FHIT: variants seen among roughly 807,000 people sequenced by gnomAD.
The protein encoded by FHIT is fragile histidine triad diadenosine triphosphatase, also known as bis(5'-adenosyl)-triphosphatase.
Under a neutral mutation model 17.9 loss-of-function variants are expected in FHIT, and 19 were observed. That is an observed-to-expected ratio of 1.06 (90% CI 0.74 to 1.56). The LOEUF is 1.56. FHIT is among the 40% of genes most tolerant of loss of function. The pLI, the probability that FHIT is intolerant of heterozygous loss-of-function variation, is 0.00. For missense variants in FHIT, 248 were observed against 189.2 expected, an observed-to-expected ratio of 1.31 and a Z score of -1.82; for synonymous variants, 81 against 69.7, an observed-to-expected ratio of 1.16 and a Z score of -0.81.
At chr3:60,642,732 C>A (rs907455426) in intron 4 of FHIT, among the ~76,000 whole-genome samples, 1 of 152,252 alleles carries the variant, frequency 6.6e-6, no homozygotes, top group Admixed American at 6.5e-5. Context: ...CCCCCCACCT[C>A]CCCCGCTCCA....
At chr3:60,656,503 T>C (rs2040119648) in intron 4 of FHIT, among the ~76,000 whole-genome samples, 8 of 152,008 alleles carry the variant, frequency 5.3e-5, no homozygotes, top group Admixed American at 3.9e-4. Context: ...CTACAGACTC[T>C]CCATTCAAAC....
intron 5 of FHIT, among the ~76,000 whole-genome samples, chr3:60,116,318 C>G (rs74476096): frequency 0.037 from 5,635 of 152,158 alleles, 346 homozygotes; most frequent in African/African-American, 0.13. Context: ...TGGTGTGTAA[C>G]TTTTATATGA....
chr3:60,917,201 T>C (rs1220226636), intron 3 of FHIT, among the ~76,000 whole-genome samples: 1 of 152,220 alleles, frequency 6.6e-6, no homozygotes, highest in Non-Finnish European at 1.5e-5. Flanking sequence ...TTTGAAAGCA[T>C]TGGATAGTAG....
chr3:61,128,803 A>C (rs2036684097), intron 2 of FHIT, among the ~76,000 whole-genome samples: 1 of 151,838 alleles, frequency 6.6e-6, no homozygotes, highest in African/African-American at 2.4e-5. Flanking sequence ...CTCAATGTTC[A>C]TTCTGGAAGA....
intron 3 of FHIT, among the ~76,000 whole-genome samples, chr3:60,926,815 A>G (rs1553770077): frequency 6.6e-6 from 1 of 152,220 alleles, no homozygotes; most frequent in African/African-American, 2.4e-5. Context: ...TAGCAAGACT[A>G]ATAAAGAAGA....
intron 4 of FHIT, among the ~76,000 whole-genome samples, chr3:60,764,239 A>G (rs1699769296): frequency 1.4e-5 from 2 of 144,216 alleles, no homozygotes; most frequent in South Asian, 4.2e-4. Flanking sequence ...CTATCTGGGT[A>G]GGAAAATGCA....
chr3:59,956,449 C>T (rs1707403697), intron 7 of FHIT, among the ~76,000 whole-genome samples: 1 of 152,286 alleles, frequency 6.6e-6, no homozygotes, highest in African/African-American at 2.4e-5. Context: ...GCGGGCAGAT[C>T]TTGAGGTCAA....
intron 3 of FHIT, among the ~76,000 whole-genome samples, chr3:60,932,510 T>G (rs534578044): frequency 6.6e-6 from 1 of 152,270 alleles, no homozygotes; most frequent in Non-Finnish European, 1.5e-5. Context: ...GGGGTATCTA[T>G]TCCCCATTTC....
At chr3:59,979,478 A>G (rs941382022) in intron 7 of FHIT, among the ~76,000 whole-genome samples, 1 of 151,968 alleles carries the variant, frequency 6.6e-6, no homozygotes. Context: ...TTGGGAGAGG[A>G]AAGCATTTTG....
chr3:60,350,903 G>T (rs12493207), intron 5 of FHIT, among the ~76,000 whole-genome samples: 1 of 152,132 alleles, frequency 6.6e-6, no homozygotes, highest in South Asian at 2.1e-4. Flanking sequence ...AAACTCACTC[G>T]AGAGTCTCTC....
intron 5 of FHIT, among the ~76,000 whole-genome samples, chr3:60,485,744 T>G (rs543171390): frequency 3.9e-5 from 6 of 152,206 alleles, no homozygotes; most frequent in African/African-American, 1.4e-4. Flanking sequence ...CAAACCTGCA[T>G]GTTCTGCACG....
intron 3 of FHIT, among the ~76,000 whole-genome samples, chr3:61,024,726 T>G (rs1429328578): frequency 6.6e-6 from 1 of 152,184 alleles, no homozygotes; most frequent in Non-Finnish European, 1.5e-5. Flanking sequence ...AGACAACGCA[T>G]TTTATGATTT....
At chr3:60,734,261 T>C (rs905098034) in intron 4 of FHIT, among the ~76,000 whole-genome samples, 9 of 152,318 alleles carry the variant, frequency 5.9e-5, no homozygotes, top group Admixed American at 5.9e-4. Context: ...ATCGTGTCCA[T>C]CTTGTTTATT....
At chr3:61,084,961 A>T (rs539786901) in intron 2 of FHIT, among the ~76,000 whole-genome samples, 45 of 152,322 alleles carry the variant, frequency 3.0e-4, no homozygotes, top group African/African-American at 7.9e-4. Context: ...AAGCATATCC[A>T]GGTTATTTCA....
intron 5 of FHIT, among the ~76,000 whole-genome samples, chr3:60,390,771 A>T (rs1701197943): frequency 6.6e-6 from 1 of 152,170 alleles, no homozygotes; most frequent in African/African-American, 2.4e-5. Flanking sequence ...AAAAAAATAC[A>T]CTAAAGATAT....
chr3:60,448,128 C>T (rs1020230294), intron 5 of FHIT, among the ~76,000 whole-genome samples: 21 of 152,174 alleles, frequency 1.4e-4, no homozygotes, highest in African/African-American at 4.3e-4. Context: ...CAATTGCTCT[C>T]GGATTATAAC....
intron 5 of FHIT, among the ~76,000 whole-genome samples, chr3:60,144,634 A>G (rs1237373748): frequency 1.3e-5 from 2 of 152,126 alleles, no homozygotes; most frequent in South Asian, 4.1e-4. Flanking sequence ...ATTGTACATA[A>G]TATTTACGGG....
intron 2 of FHIT, among the ~76,000 whole-genome samples, chr3:61,197,655 C>T (rs1274029989): frequency 1.3e-5 from 2 of 152,124 alleles, no homozygotes; most frequent in African/African-American, 2.4e-5. Flanking sequence ...AAAGAAGGTG[C>T]TCAGTAGGGT....
chr3:60,032,637 G>C (rs1701050658), intron 5 of FHIT, among the ~76,000 whole-genome samples: 1 of 152,070 alleles, frequency 6.6e-6, no homozygotes, highest in Non-Finnish European at 1.5e-5. Context: ...TCAATTTCAG[G>C]ATTCTAAGAG....
Sources: allele counts gnomAD v4.1 joint callset (sites outside exome capture counted in the v4.1 genomes callset), GRCh38; gene constraint gnomAD v4.1.1; transcripts MANE v1.5; gene names NCBI Gene and HGNC (gene_info 2026-07-23, HGNC 2026-07-21).